The following TTC6 variants were observed in gnomAD, a reference collection of about 807,000 sequenced individuals.
The protein encoded by TTC6 is tetratricopeptide repeat domain 6, also known as tetratricopeptide repeat protein 6.
TTC6 carries 172 observed loss-of-function variants against 210.4 expected under a neutral mutation model. That is an observed-to-expected ratio of 0.82 (90% CI 0.72 to 0.93). The LOEUF (loss-of-function observed/expected upper bound fraction) is 0.93, where lower values mean the gene tolerates loss of function less well. TTC6 is among the 40% of genes least tolerant of loss of function. TTC6 has a pLI of 0.00. For missense variants in TTC6, 2,414 were observed against 2,318.1 expected (o/e 1.04, Z -0.85); for synonymous variants, 804 against 819.6 (o/e 0.98, Z 0.32).
At chr14:37,703,294 T>C (rs2095829080) in intron 5 of TTC6, among the ~76,000 whole-genome samples, 1 of 152,116 alleles carries the variant, frequency 6.6e-6, no homozygotes, top group Non-Finnish European at 1.5e-5. Flanking sequence ...TCACTTTCTT[T>C]TTCCAAGAGT....
chr14:37,749,581 C>A, intron 11 of TTC6, 133 bp from the exon 14 acceptor site: 1 of 1,026,916 alleles, frequency 9.7e-7, no homozygotes, highest in Non-Finnish European at 1.3e-6. Context: ...TTTTGTTTGT[C>A]AGATTGGGAG....
chr14:37,786,966 T>G (rs532023734), intron 14 of TTC6, among the ~76,000 whole-genome samples: 2 of 152,342 alleles, frequency 1.3e-5, no homozygotes, highest in South Asian at 4.1e-4. Flanking sequence ...GAATCCAGTT[T>G]ACACAACTAA....
intron 1 of TTC6, among the ~76,000 whole-genome samples, chr14:37,631,906 G>A (rs1374994263): frequency 2.0e-5 from 3 of 151,830 alleles, no homozygotes; most frequent in African/African-American, 7.3e-5. Context: ...GATCAATTTG[G>A]GTATTGATAC....
At chr14:37,832,672 T>C (rs1005638995) in intron 29 of TTC6, among the ~76,000 whole-genome samples, 1 of 152,190 alleles carries the variant, frequency 6.6e-6, no homozygotes, top group Non-Finnish European at 1.5e-5. Flanking sequence ...TCTGAGAAGA[T>C]ACTTGATATG....
chr14:37,668,674 CTT>C (rs1380123511), intron 1 of TTC6, among the ~76,000 whole-genome samples: 1 of 152,168 alleles, frequency 6.6e-6, no homozygotes, highest in Non-Finnish European at 1.5e-5. Context: ...GAAAAATAAA[CTT>C]TGCCTCTTGA....
chr14:37,808,394 G>T (rs1242082164), intron 23 of TTC6, among the ~76,000 whole-genome samples: 1 of 152,264 alleles, frequency 6.6e-6, no homozygotes, highest in South Asian at 2.1e-4. Flanking sequence ...GTGAATGTTT[G>T]CTGCATTAAT....
exon 10 of TTC6, chr14:37,739,024 G>A (rs748404929): frequency 4.4e-5 from 68 of 1,535,436 alleles, no homozygotes; most frequent in South Asian, 2.3e-4. Flanking sequence ...TCATTGAAGC[G>A]TCTAAAAAAG....
intron 26 of TTC6, among the ~76,000 whole-genome samples, chr14:37,821,434 T>A (rs1173416405): frequency 1.3e-5 from 2 of 152,094 alleles, no homozygotes; most frequent in Non-Finnish European, 2.9e-5. Context: ...GTATACTACT[T>A]GAGGAAAGTG....
chr14:37,695,199 C>A (rs1296832963), intron 3 of TTC6, among the ~76,000 whole-genome samples: 1 of 151,760 alleles, frequency 6.6e-6, no homozygotes, highest in Non-Finnish European at 1.5e-5. Context: ...ACAATTGAAC[C>A]CATGGAGATA....
chr14:37,830,114 C>A (rs1023616405), intron 29 of TTC6, among the ~76,000 whole-genome samples: 1 of 151,980 alleles, frequency 6.6e-6, no homozygotes, highest in African/African-American at 2.4e-5. Context: ...CTATTTTATA[C>A]CTTAAGACAG....
intron 3 of TTC6, among the ~76,000 whole-genome samples, chr14:37,694,348 T>C (rs1349925997): frequency 6.6e-6 from 1 of 152,000 alleles, no homozygotes; most frequent in Non-Finnish European, 1.5e-5. Context: ...AACAGACATA[T>C]GAAAAGTGCT....
Position 37,738,872 on chromosome 14 carries a change from C to T in TTC6, c.2080C>T (p.Gln694Ter). ...AAGCAGTATAAAAGAGGTTATGTTT[C>T]AGAAAGCAAAGGAATTGAAACGTCA... The change falls in exon 10 of 31, where the codon CAG (glutamine) becomes TAG (stop). Residue 694 changes from glutamine (Q) to a stop codon, truncating the protein, a stop_gained. Transcript: ENST00000553443. LOFTEE classifies it high-confidence loss of function. 6.5e-7 allele frequency: 1 copy of T among 1,534,968 alleles called. No individual in the cohort carries two copies. The highest frequency in any genetic ancestry group is 8.7e-7 in the Non-Finnish European group (1 of 1,146,642).
At chr14:37,597,005 A>ATTTTT (rs34214926) in intron 1 of TTC6, among the ~76,000 whole-genome samples, 8 of 138,548 alleles carry the variant, frequency 5.8e-5, no homozygotes, top group African/African-American at 2.1e-4. Context: ...ATTGGATTAC[A>ATTTTT]TTTTTTTTTT....
intron 1 of TTC6, among the ~76,000 whole-genome samples, chr14:37,632,975 A>G (rs1054148140): frequency 1.3e-5 from 2 of 152,078 alleles, no homozygotes; most frequent in African/African-American, 4.8e-5. Flanking sequence ...CCTCACCCCC[A>G]CCAACCTTGA....
chr14:37,636,217 G>C (rs2095680391), intron 1 of TTC6, among the ~76,000 whole-genome samples: 1 of 152,064 alleles, frequency 6.6e-6, no homozygotes, highest in South Asian at 2.1e-4. Flanking sequence ...AGAAAAACTA[G>C]ACAGAAGATC....
At chr14:37,799,065 G>T (rs2096099569) in intron 20 of TTC6, among the ~76,000 whole-genome samples, 1 of 152,036 alleles carries the variant, frequency 6.6e-6, no homozygotes, top group South Asian at 2.1e-4. Flanking sequence ...GGATTATTTG[G>T]AGAGTATTTC....
intron 20 of TTC6, among the ~76,000 whole-genome samples, chr14:37,797,189 T>C (rs2096094689): frequency 1.3e-5 from 2 of 151,986 alleles, no homozygotes; most frequent in South Asian, 2.1e-4. Context: ...TTTCAAGGAG[T>C]GCAATTGGTG....
At chr14:37,644,798 C>T (rs181864915) in intron 1 of TTC6, among the ~76,000 whole-genome samples, 3 of 152,108 alleles carry the variant, frequency 2.0e-5, no homozygotes, top group Admixed American at 6.5e-5. Flanking sequence ...GGTAACATAA[C>T]AAGGGAGCTA....
At chr14:37,608,896 G>T (rs1282881908) in intron 2 of TTC6, among the ~76,000 whole-genome samples, 3 of 152,108 alleles carry the variant, frequency 2.0e-5, no homozygotes, top group African/African-American at 7.2e-5. Context: ...CTGGTGGGTG[G>T]TGGTTGGAAA....
Sources: gnomAD v4.1 joint callset for allele counts (sites outside exome capture counted in the v4.1 genomes callset) on GRCh38, gnomAD v4.1.1 for gene constraint, MANE v1.5 for transcripts, NCBI Gene and HGNC (gene_info 2026-07-23, HGNC 2026-07-21) for gene names.